Variants in UBIAD1 observed in about 807,000 individuals in gnomAD.
The protein encoded by UBIAD1 is UbiA prenyltransferase domain containing 1, also known as ubiA prenyltransferase domain-containing protein 1.
UBIAD1 carries 12 observed loss-of-function variants against 20.1 expected under a neutral mutation model. That is an observed-to-expected ratio of 0.60 (90% CI 0.38 to 0.97). The LOEUF is 0.97. UBIAD1 is among the 50% of genes least tolerant of loss of function. The pLI, the probability that UBIAD1 is intolerant of heterozygous loss-of-function variation, is 0.00. For missense variants in UBIAD1, 333 were observed against 419.5 expected (o/e 0.79, Z 1.80); for synonymous variants, 207 against 189.2 (o/e 1.09, Z -0.77).
intron 1 of UBIAD1, chr1:11,278,887 CAG>C (rs1162693861): frequency 6.2e-6 from 2 of 323,242 alleles, no homozygotes; most frequent in African/African-American, 2.2e-5. Flanking sequence ...ATTTTTGAGA[CAG>C]AGGCTCGCGC....
chr1:11,273,632 A>G lies in UBIAD1; in HGVS notation c.101A>G (p.Gln34Arg). ...CCGCTGGGGAACGACTGTCCCGAGCAAGATAGGCTCCCCCAGCGCTCCTGG... is the reference window on the plus strand; with the variant it reads ...CCGCTGGGGAACGACTGTCCCGAGCGAGATAGGCTCCCCCAGCGCTCCTGG... Reference protein sequence around the residue: ...RDPLGNDCPEQDRLPQRSWRQ... With the variant: ...RDPLGNDCPERDRLPQRSWRQ... Residue 34 changes from glutamine to arginine, a missense_variant, in exon 1 of 2, where the codon CAA becomes CGA. By Grantham distance (43) the Gln-to-Arg change is conservative. This residue lies in a region of UBIAD1 where 57 missense variants were observed against 54.7 expected (regional missense o/e 1.04). Coordinates refer to ENST00000376810, the MANE Select transcript of UBIAD1 (RefSeq NM_013319.3). The surrounding 1 kb of genome is among the most constrained non-coding windows in gnomAD (Gnocchi z 4.9). 1 of 1,614,134 alleles carries G rather than the reference A, an allele frequency of 6.2e-7. No individual in the cohort carries two copies. Among genetic ancestry groups the G allele is most frequent in the East Asian group, 2.2e-5 (1 of 44,882 alleles).
Position 11,286,288 on chromosome 1 carries a change from T to C in UBIAD1, c.*157T>C. 2 of 974,174 alleles carry C rather than the reference T, an allele frequency of 2.1e-6. No homozygotes were observed. Among genetic ancestry groups the C allele is most frequent in the Non-Finnish European group, 3.0e-6 (2 of 662,690 alleles). 60.3% of individuals were successfully genotyped at this position (974,174 alleles called of 1,614,324 possible). On this transcript the variant is annotated 3_prime_UTR_variant, in exon 2 of 2. Transcript: ENST00000376810. ...TGTTTTTGTGTTCTTAAAGATAATA[T>C]GTTGTTTTTCTGTTTTTTGTTTTTT...
In UBIAD1 at chr1:11,274,090, G is replaced by C. The variant is rs1651901400; in HGVS notation, c.529+30G>C. The C allele has an allele frequency of 6.2e-6, 10 of 1,613,518 alleles. No homozygotes were observed. In the East Asian group the frequency reaches 2.2e-4, roughly 36 times the overall value. On this transcript the variant is annotated intron_variant, in intron 1 of 1. Transcript: ENST00000376810. ...GATTTGGCCTGTCCTGTGTGCTGCA[G>C]GTCTTAGTCGCGTCCACTGGAAACC...
intron 1 of UBIAD1, chr1:11,279,390 G>A (rs776693847): frequency 5.5e-5 from 9 of 163,696 alleles, no homozygotes; most frequent in Non-Finnish European, 1.2e-4. Context: ...AGTTTTGGGG[G>A]AAAAGCAAGC....
At chr1:11,280,652 C>T (rs115407645) in intron 1 of UBIAD1, among the ~76,000 whole-genome samples, 4 of 152,328 alleles carry the variant, frequency 2.6e-5, no homozygotes, top group African/African-American at 4.8e-5. Flanking sequence ...CTGTGGGCAT[C>T]GTCCTTGACT....
rs1428583901 is a variant in UBIAD1, at chr1:11,273,726, G to A, written c.195G>A (p.Val65=). 1 of 1,614,000 alleles carries A rather than the reference G, an allele frequency of 6.2e-7. No homozygotes were observed. The highest frequency in any genetic ancestry group is 1.3e-5 in the African/African-American group (1 of 74,906). The change falls in exon 1 of 2, where the codon GTG becomes GTA. Residue 65 remains valine (V), a synonymous_variant. Transcript: ENST00000376810. This position sits in a 1 kb window ranked among gnomAD's most constrained non-coding sequence, Gnocchi z 4.9. ...GCTTCAGTGCCTCACTCACACCGGT[G>A]GCCCTGGGCAGTGCCCTTGCCTACA... ...PWSFSASLTP[V]ALGSALAYRS...
chr1:11,285,105 C>T lies in UBIAD1; in HGVS notation c.530-539C>T, dbSNP rs1212796808. On this transcript the variant is annotated intron_variant, in intron 1 of 1. Transcript: ENST00000376810. The surrounding 1 kb of genome is among the most constrained non-coding windows in gnomAD (Gnocchi z 4.4). ...CTCCTGTCCTCGCTGTTTTGCTTAT[C>T]GCAGGGGTGCAGGTTTAAGGACCCC... Among the ~76,000 whole-genome samples the T allele has an allele frequency of 6.6e-6, 1 of 152,128 alleles. No individual in the cohort carries two copies. Among genetic ancestry groups the T allele is most frequent in the Non-Finnish European group, 1.5e-5 (1 of 68,036 alleles).
chr1:11,297,743 C>T (rs1353083225), downstream of UBIAD1, among the ~76,000 whole-genome samples: 4 of 152,166 alleles, frequency 2.6e-5, no homozygotes, highest in South Asian at 2.1e-4. Context: ...GTTGAGAATG[C>T]GCTGAAGAAG....
intron 1 of UBIAD1, among the ~76,000 whole-genome samples, chr1:11,284,116 T>C (rs1337656449): frequency 2.0e-5 from 3 of 152,208 alleles, no homozygotes; most frequent in Non-Finnish European, 4.4e-5. Context: ...GGAGATTAAT[T>C]AGAAGCATGA....
At chr1:11,274,117 C>T in intron 1 of UBIAD1, 57 bp downstream of exon 1, 1 of 1,605,464 alleles carries the variant, frequency 6.2e-7, no homozygotes, top group Non-Finnish European at 8.5e-7. Context: ...CTGGAAACCG[C>T]TGCTTTGTAA....
Position 11,273,783 on chromosome 1 carries a change from G to A in UBIAD1, c.252G>A (p.Leu84=), listed in dbSNP as rs772213219. The stretch of plus-strand genomic sequence containing the variant: ...ACGGTGTCCTGGATCCCAGGCTCTT[G>A]GTGGGTTGTGCCGTGGCTGTCCTGG... ...RSHGVLDPRL[L]VGCAVAVLAV... Residue 84 remains leucine (L), a synonymous_variant, in exon 1 of 2, where the codon TTG becomes TTA. Transcript: ENST00000376810. The surrounding 1 kb of genome is among the most constrained non-coding windows in gnomAD (Gnocchi z 4.9). The A allele has an allele frequency of 1.9e-6, 3 of 1,614,128 alleles. No homozygotes were observed. In the Admixed American group the frequency reaches 5.0e-5, roughly 27 times the overall value.
In UBIAD1 at chr1:11,285,589, T is replaced by C; in HGVS notation, c.530-55T>C. On this transcript the variant is annotated intron_variant, in intron 1 of 1. Transcript: ENST00000376810. The surrounding 1 kb of genome is among the most constrained non-coding windows in gnomAD (Gnocchi z 4.4). Reference sequence around the variant, plus strand: ...GGCCTGCCTCTTCACTGGTGAACAGTCCCTAAATTTCCAGCCTTGGTCTCA... The same window carrying C: ...GGCCTGCCTCTTCACTGGTGAACAGCCCCTAAATTTCCAGCCTTGGTCTCA... 1 of 1,612,856 alleles carries C rather than the reference T, an allele frequency of 6.2e-7. No individual in the cohort carries two copies. Among genetic ancestry groups the C allele is most frequent in the Admixed American group, 1.7e-5 (1 of 60,002 alleles).
intron 1 of UBIAD1, among the ~76,000 whole-genome samples, chr1:11,275,200 G>C (rs189087230): frequency 2.7e-4 from 41 of 152,012 alleles, no homozygotes; most frequent in African/African-American, 9.9e-4. Flanking sequence ...GAGACAGAAA[G>C]TAAAAATAGA....
At chr1:11,293,085 C>T (rs1464811412), downstream of UBIAD1, among the ~76,000 whole-genome samples, 1 of 152,148 alleles carries the variant, frequency 6.6e-6, no homozygotes. Context: ...AATTGCAAGG[C>T]ACAGACTCAC....
At position 11,273,761 on chromosome 1, in the gene UBIAD1, G is replaced by A. The variant is rs201583978; in HGVS notation, c.230G>A (p.Gly77Asp). The change falls in exon 1 of 2, where the codon GGT becomes GAT. Residue 77 changes from glycine to aspartate, a missense_variant. Gly to Asp is a moderately conservative substitution (Grantham distance 94). This residue lies in a region of UBIAD1 where 50 missense variants were observed against 101.2 expected (regional missense o/e 0.49). Transcript: ENST00000376810. This position sits in a 1 kb window ranked among gnomAD's most constrained non-coding sequence, Gnocchi z 4.9. ...AGTGCCCTTGCCTACAGATCCCACGGTGTCCTGGATCCCAGGCTCTTGGTG... is the reference window on the plus strand; with the variant it reads ...AGTGCCCTTGCCTACAGATCCCACGATGTCCTGGATCCCAGGCTCTTGGTG... ...LGSALAYRSH[G>D]VLDPRLLVGC... is the part of the protein sequence containing the mutation. The A allele has an allele frequency of 2.4e-5, 38 of 1,614,004 alleles. No individual in the cohort carries two copies. The highest frequency in any genetic ancestry group is 5.1e-6 in the Non-Finnish European group (6 of 1,180,030).
chr1:11,292,686 C>T (rs951030447), downstream of UBIAD1, among the ~76,000 whole-genome samples: 9 of 151,066 alleles, frequency 6.0e-5, no homozygotes, highest in African/African-American at 2.2e-4. Flanking sequence ...CACACACACA[C>T]ACACACACAC....
chr1:11,273,433 A>G lies in UBIAD1; in HGVS notation c.-99A>G. 7.4e-6 allele frequency: 11 copies of G among 1,484,194 alleles called. No homozygotes were observed. The South Asian group carries it at 1.3e-4, about 17-fold the overall frequency. The allele number at this position is 1,484,194 out of a possible 1,614,324, so 91.9% of individuals were successfully genotyped here. A position where few individuals can be genotyped will look rare whatever the true frequency, so the allele number is the denominator to read the frequency against. On this transcript the variant is annotated 5_prime_UTR_variant, in exon 1 of 2. Transcript: ENST00000376810. This position sits in a 1 kb window ranked among gnomAD's most constrained non-coding sequence, Gnocchi z 4.9. ...CCCTGTCCTGGGGCGGAACCGAAGG[A>G]AGGTCGGGCCCTGCTGCCCCGCCCC... is the stretch of plus-strand genomic sequence containing the variant.
intron 1 of UBIAD1, among the ~76,000 whole-genome samples, chr1:11,275,467 G>T (rs1651986102): frequency 6.6e-6 from 1 of 152,192 alleles, no homozygotes; most frequent in Non-Finnish European, 1.5e-5. Flanking sequence ...TTGGCTGAGT[G>T]CAGTGGCTCA....
Position 11,284,189 on chromosome 1 carries a change from G to A in UBIAD1, c.530-1455G>A, listed in dbSNP as rs78642215. 8.8e-4 allele frequency among the ~76,000 whole-genome samples: 134 copies of A among 152,336 alleles called. 1 individual carries two copies. In the East Asian group the frequency reaches 9.5e-3, roughly 11 times the overall value. The stretch of plus-strand genomic sequence containing the variant: ...GCATATTGCAAGGGGATCAAATGTG[G>A]CTTAGGGGTGAGAGGAGGTGGTCCT... On this transcript the variant is annotated intron_variant, in intron 1 of 1. Transcript: ENST00000376810.
Sources: gnomAD v4.1 joint callset for allele counts (sites outside exome capture counted in the v4.1 genomes callset) on GRCh38, gnomAD v4.1.1 for gene constraint, gnomAD v4.1.1 regional missense constraint, Gnocchi (gnomAD v3.1) non-coding constraint, MANE v1.5 for transcripts, NCBI Gene and HGNC (gene_info 2026-07-23, HGNC 2026-07-21) for gene names.